Variants in DOCK4 observed in about 807,000 individuals in gnomAD.
DOCK4 encodes the protein dedicator of cytokinesis 4.
A neutral mutation model predicts 268.1 loss-of-function variants in DOCK4; 97 were observed. The ratio of observed to expected loss-of-function variants is 0.36; its 90% CI spans 0.31 to 0.43. The LOEUF (loss-of-function observed/expected upper bound fraction) is 0.43. Among genes scored for constraint, DOCK4 ranks in the 20% least tolerant of loss-of-function variants. DOCK4 has a pLI of 1.00. For synonymous variants in DOCK4, 954 were observed against 887.2 expected (o/e 1.08, Z -1.34); for missense variants, 2,145 against 2,455.7 (o/e 0.87, Z 2.67).
intron 1 of DOCK4, among the ~76,000 whole-genome samples, chr7:112,153,862 G>A (rs1298071431): frequency 2.0e-5 from 3 of 152,206 alleles, no homozygotes; most frequent in Admixed American, 2.0e-4. Context: ...TCGGAGGATA[G>A]AAAGTAGCAA....
At chr7:111,857,633 C>A (rs928257814) in intron 23 of DOCK4, among the ~76,000 whole-genome samples, 3 of 152,162 alleles carry the variant, frequency 2.0e-5, no homozygotes, top group African/African-American at 7.2e-5. Context: ...TTAAACAAAT[C>A]ATCAAGTACC....
intron 1 of DOCK4, among the ~76,000 whole-genome samples, chr7:112,039,588 C>T (rs79801747): frequency 0.035 from 5,279 of 152,070 alleles, 303 homozygotes; most frequent in African/African-American, 0.12. Context: ...AAATTGCTGA[C>T]CACTTGCCCC....
At chr7:111,968,850 C>A (rs1797451581) in intron 8 of DOCK4, among the ~76,000 whole-genome samples, 1 of 51,624 alleles carries the variant, frequency 1.9e-5, no homozygotes, top group Non-Finnish European at 3.2e-5. Context: ...GAAAATGTGG[C>A]ACATATACAC....
intron 1 of DOCK4, among the ~76,000 whole-genome samples, chr7:112,061,287 G>A (rs368925651): frequency 1.3e-4 from 20 of 152,050 alleles, no homozygotes; most frequent in African/African-American, 4.3e-4. Context: ...ATCCTGTCCC[G>A]GCTGCCCTGC....
chr7:112,051,414 G>A (rs1054361450), intron 1 of DOCK4, among the ~76,000 whole-genome samples: 1 of 151,950 alleles, frequency 6.6e-6, no homozygotes, highest in Non-Finnish European at 1.5e-5. Context: ...TACTTTTTAG[G>A]TGGAAAATTA....
intron 1 of DOCK4, among the ~76,000 whole-genome samples, chr7:112,074,419 T>G (rs944630205): frequency 1.3e-5 from 2 of 152,228 alleles, no homozygotes; most frequent in Non-Finnish European, 2.9e-5. Context: ...TATTCTTCTG[T>G]GTCGGTTATT....
At chr7:112,170,003 C>T (rs1817942807) in intron 1 of DOCK4, among the ~76,000 whole-genome samples, 1 of 152,030 alleles carries the variant, frequency 6.6e-6, no homozygotes, top group Non-Finnish European at 1.5e-5. Context: ...TTTACACAAC[C>T]CCTGTAAGTT....
chr7:111,746,496 C>G, intron 43 of DOCK4, 79 bp from the exon 44 acceptor site: 2 of 1,135,434 alleles, frequency 1.8e-6, no homozygotes, highest in Non-Finnish European at 2.6e-6. Context: ...AAAGACCTGG[C>G]ATCTTTATGG....
Position 111,934,523 on chromosome 7 carries a change from G to GTTTTTTTTTTTTTTTTTT in DOCK4, c.1066+999_1066+1016dup, listed in dbSNP as rs1183672033. On this transcript the variant is annotated intron_variant, in intron 12 of 52. Coordinates refer to ENST00000428084, the MANE Select transcript of DOCK4 (RefSeq NM_001363540.2). ...GCGAAGCATGTTTTGTTTTGTTTTT[G>GTTTTTTTTTTTTTTTTTT]TTTTTTTTTTTTTTTTTTTTTTTTT... Among the ~76,000 whole-genome samples, 14 of 83,872 alleles carry GTTTTTTTTTTTTTTTTTT rather than the reference G, an allele frequency of 1.7e-4. 1 individual carries two copies. The highest frequency in any genetic ancestry group is 3.2e-4 in the African/African-American group (8 of 24,800). 55.0% of individuals were successfully genotyped at this position (83,872 alleles called of 152,430 possible). A position where few individuals can be genotyped will look rare whatever the true frequency, so the allele number is the denominator to read the frequency against.
rs145015979 is a variant in DOCK4, at chr7:111,829,900, G to T, written c.2835+4688C>A. Among the ~76,000 whole-genome samples, 38 of 152,228 alleles carry T rather than the reference G, an allele frequency of 2.5e-4. No individual in the cohort carries two copies. In the East Asian group the frequency reaches 6.4e-3, roughly 26 times the overall value. The stretch of plus-strand genomic sequence containing the variant: ...TTATAGTCTTTATTTATCCCATATG[G>T]AGTGAATATTTTGTATCACTCTAGA... On this transcript the variant is annotated intron_variant, in intron 26 of 52. Transcript: ENST00000428084.
At chr7:111,985,902 C>T (rs903654493) in intron 6 of DOCK4, among the ~76,000 whole-genome samples, 2 of 152,198 alleles carry the variant, frequency 1.3e-5, no homozygotes, top group Non-Finnish European at 2.9e-5. Flanking sequence ...GCATCTGACA[C>T]TGGGTCAATA....
chr7:111,892,449 G>C (rs552016891), intron 16 of DOCK4, among the ~76,000 whole-genome samples: 2 of 152,294 alleles, frequency 1.3e-5, no homozygotes, highest in Admixed American at 1.3e-4. Context: ...TGATCCACCA[G>C]CCTTGGCCTC....
At chr7:112,188,618 T>C (rs1819659741) in intron 1 of DOCK4, among the ~76,000 whole-genome samples, 1 of 152,182 alleles carries the variant, frequency 6.6e-6, no homozygotes, top group African/African-American at 2.4e-5. Context: ...TGACAATTCA[T>C]ACCCCCCAAC....
chr7:112,142,076 A>G (rs1440962464), intron 1 of DOCK4, among the ~76,000 whole-genome samples: 1 of 152,168 alleles, frequency 6.6e-6, no homozygotes, highest in Admixed American at 6.6e-5. Context: ...AGAGGGAGAA[A>G]CAGGTTCTAT....
chr7:111,907,477 A>C (rs1791685963), intron 13 of DOCK4, among the ~76,000 whole-genome samples: 1 of 151,144 alleles, frequency 6.6e-6, no homozygotes. Flanking sequence ...GGCAGTGGGG[A>C]CCGTAAGCTT....
At chr7:111,930,252 T>G (rs892123423) in intron 12 of DOCK4, among the ~76,000 whole-genome samples, 16 of 152,080 alleles carry the variant, frequency 1.1e-4, no homozygotes, top group Admixed American at 9.8e-4. Flanking sequence ...TTAAATGGAT[T>G]GCTTGCAATT....
chr7:111,897,601 G>A (rs1808866630), intron 15 of DOCK4, among the ~76,000 whole-genome samples: 1 of 152,136 alleles, frequency 6.6e-6, no homozygotes, highest in South Asian at 2.1e-4. Flanking sequence ...TGTCATGTTG[G>A]AAGCTTGAAA....
Position 112,168,524 on chromosome 7 carries a change from T to C in DOCK4, c.37+37578A>G, listed in dbSNP as rs548389716. On this transcript the variant is annotated intron_variant, in intron 1 of 52. Coordinates refer to ENST00000428084, the MANE Select transcript of DOCK4 (RefSeq NM_001363540.2). ...GAGTTCGAGACCAGCCTGAGCAACA[T>C]AGGGAGACCCCCATCTCTACAAATC... Among the ~76,000 whole-genome samples the C allele has an allele frequency of 1.1e-4, 17 of 152,148 alleles. No homozygotes were observed. The East Asian group carries it at 1.6e-3, about 14-fold the overall frequency.
intron 1 of DOCK4, among the ~76,000 whole-genome samples, chr7:112,149,737 C>T (rs1022313544): frequency 5.9e-5 from 9 of 152,254 alleles, no homozygotes; most frequent in South Asian, 4.1e-4. Flanking sequence ...ATCTGGAAAA[C>T]GGATGAAAAA....
Sources: gnomAD v4.1 joint callset for allele counts (sites outside exome capture counted in the v4.1 genomes callset) on GRCh38, gnomAD v4.1.1 for gene constraint, MANE v1.5 for transcripts, NCBI Gene and HGNC (gene_info 2026-07-23, HGNC 2026-07-21) for gene names.